Variants in TECRL observed in about 807,000 individuals in gnomAD.
The protein encoded by TECRL is trans-2,3-enoyl-CoA reductase like, also known as trans-2,3-enoyl-CoA reductase-like.
In TECRL, 63 loss-of-function variants were observed where a neutral mutation model predicts 52.8. That is an observed-to-expected ratio of 1.19 (90% CI 0.97 to 1.47). TECRL has a LOEUF of 1.47. Among genes scored for constraint, TECRL ranks in the 40% most tolerant of loss-of-function variants. TECRL has a pLI of 0.00. For missense variants in TECRL, 482 were observed against 429.6 expected (o/e 1.12, Z -1.08); for synonymous variants, 164 against 141.9 (o/e 1.16, Z -1.10).
rs183173659 is a variant in TECRL at position 64,378,330 on chromosome 4, C to A, written c.235-3107G>T. Among the ~76,000 whole-genome samples, 252 of 152,006 alleles carry A rather than the reference C, an allele frequency of 1.7e-3. 2 individuals carry two copies. The highest frequency in any genetic ancestry group is 6.0e-3 in the African/African-American group (247 of 41,480). On this transcript the variant is annotated intron_variant, in intron 1 of 11. Transcript: ENST00000381210. ...CTTGTAGAATAAACACTTTTGGAAA[C>A]CAAGGCAGAAGGATCACTTGAGCCC... is the stretch of plus-strand genomic sequence containing the variant.
intron 1 of TECRL, among the ~76,000 whole-genome samples, chr4:64,376,687 G>A (rs1211613750): frequency 6.6e-6 from 1 of 151,850 alleles, no homozygotes; most frequent in Non-Finnish European, 1.5e-5. Flanking sequence ...TGTATCAAGG[G>A]CCATGTAATT....
intron 8 of TECRL, among the ~76,000 whole-genome samples, chr4:64,298,553 A>T (rs916149081): frequency 6.6e-6 from 1 of 151,210 alleles, no homozygotes; most frequent in African/African-American, 2.4e-5. Context: ...ACTTATTAAA[A>T]GTTTTATTTT....
intron 2 of TECRL, among the ~76,000 whole-genome samples, chr4:64,336,551 T>G (rs990767248): frequency 6.6e-6 from 1 of 152,216 alleles, no homozygotes; most frequent in African/African-American, 2.4e-5. Flanking sequence ...TTCTGCTAGC[T>G]TTTGAATGTG....
At chr4:64,399,608 G>C (rs2109775374) in intron 1 of TECRL, among the ~76,000 whole-genome samples, 1 of 152,290 alleles carries the variant, frequency 6.6e-6, no homozygotes, top group Admixed American at 6.5e-5. Flanking sequence ...GAGCCCTGCT[G>C]CCTTGCCTAG....
At chr4:64,393,741 T>C (rs1723719784) in intron 1 of TECRL, among the ~76,000 whole-genome samples, 1 of 151,774 alleles carries the variant, frequency 6.6e-6, no homozygotes, top group Admixed American at 6.6e-5. Context: ...ATTTAGAAAT[T>C]ATAGACTCAA....
chr4:64,385,743 ACT>A (rs1204183836), intron 1 of TECRL, among the ~76,000 whole-genome samples: 1 of 151,396 alleles, frequency 6.6e-6, no homozygotes, highest in Admixed American at 6.6e-5. Flanking sequence ...CGCAATGTGA[ACT>A]CCCTCTCTGG....
intron 1 of TECRL, among the ~76,000 whole-genome samples, chr4:64,380,512 T>A (rs1722708209): frequency 1.3e-5 from 2 of 152,076 alleles, no homozygotes; most frequent in Non-Finnish European, 2.9e-5. Flanking sequence ...CTATGTTTTC[T>A]TTTAGCAGTT....
chr4:64,284,037 C>A (rs923099780), intron 9 of TECRL, among the ~76,000 whole-genome samples: 1 of 151,952 alleles, frequency 6.6e-6, no homozygotes, highest in Admixed American at 6.6e-5. Context: ...CAGAACCTAC[C>A]CAGCATGAAC....
chr4:64,390,207 A>T (rs1177543502), intron 1 of TECRL, among the ~76,000 whole-genome samples: 1 of 151,948 alleles, frequency 6.6e-6, no homozygotes, highest in Non-Finnish European at 1.5e-5. Flanking sequence ...ACATAATTAA[A>T]GTGAATGAAC....
chr4:64,303,331 A>G (rs1305627225), intron 7 of TECRL, among the ~76,000 whole-genome samples: 1 of 151,592 alleles, frequency 6.6e-6, no homozygotes, highest in East Asian at 1.9e-4. Flanking sequence ...AGGTATCCTA[A>G]GCCCATATAA....
At chr4:64,380,210 C>G (rs963162349) in intron 1 of TECRL, among the ~76,000 whole-genome samples, 2 of 151,948 alleles carry the variant, frequency 1.3e-5, no homozygotes, top group Admixed American at 1.3e-4. Flanking sequence ...AGAGAAATAT[C>G]TACTCAGATT....
chr4:64,288,829 A>G (rs1170666710), intron 9 of TECRL, among the ~76,000 whole-genome samples: 1 of 152,206 alleles, frequency 6.6e-6, no homozygotes, highest in Admixed American at 6.5e-5. Context: ...AACATTGGTC[A>G]ACAGAAAGGA....
intron 2 of TECRL, among the ~76,000 whole-genome samples, chr4:64,344,149 A>T (rs1719781443): frequency 6.6e-6 from 1 of 151,302 alleles, no homozygotes; most frequent in African/African-American, 2.4e-5. Context: ...AATCATAGGA[A>T]AAAACTCATA....
At chr4:64,397,960 A>G (rs1350962604) in intron 1 of TECRL, among the ~76,000 whole-genome samples, 1 of 151,788 alleles carries the variant, frequency 6.6e-6, no homozygotes, top group Non-Finnish European at 1.5e-5. Context: ...AATGTGCCCA[A>G]TGACTTATAT....
intron 2 of TECRL, among the ~76,000 whole-genome samples, chr4:64,354,717 A>T (rs1437849845): frequency 2.6e-5 from 4 of 152,204 alleles, no homozygotes; most frequent in Non-Finnish European, 5.9e-5. Flanking sequence ...CTAGTAATAG[A>T]GCAGTTGATA....
chr4:64,291,003 G>C (rs1232928584), intron 8 of TECRL, among the ~76,000 whole-genome samples: 1 of 152,052 alleles, frequency 6.6e-6, no homozygotes, highest in African/African-American at 2.4e-5. Context: ...TGAATTTTCA[G>C]GTAATACTTT....
At chr4:64,382,412 A>G (rs1274391708) in intron 1 of TECRL, among the ~76,000 whole-genome samples, 3 of 149,732 alleles carry the variant, frequency 2.0e-5, no homozygotes, top group African/African-American at 7.3e-5. Flanking sequence ...TTGTTAGTGT[A>G]TATATATTTA....
In TECRL at chr4:64,356,338, C is replaced by G. The variant is rs541158294; in HGVS notation, c.286+18834G>C. Among the ~76,000 whole-genome samples the G allele has an allele frequency of 5.3e-4, 81 of 152,160 alleles. 2 individuals carry two copies. The highest frequency in any genetic ancestry group is 1.2e-3 in the South Asian group (6 of 4,806). On this transcript the variant is annotated intron_variant, in intron 2 of 11. Coordinates refer to ENST00000381210, the MANE Select transcript of TECRL (RefSeq NM_001010874.5). ...GAGGATTAGTAAAAGAGGAAAGCCT[C>G]TTGCAGTTGAGATAGAGGAAGGCCA...
chr4:64,291,006 A>C (rs1428806013), intron 8 of TECRL, among the ~76,000 whole-genome samples: 1 of 152,080 alleles, frequency 6.6e-6, no homozygotes, highest in Non-Finnish European at 1.5e-5. Flanking sequence ...ATTTTCAGGT[A>C]ATACTTTTTA....
Sources: allele counts gnomAD v4.1 joint callset (sites outside exome capture counted in the v4.1 genomes callset), GRCh38; gene constraint gnomAD v4.1.1; transcripts MANE v1.5; gene names NCBI Gene and HGNC (gene_info 2026-07-23, HGNC 2026-07-21).